Variants in TMTC2 observed in about 807,000 individuals in gnomAD.
TMTC2 encodes protein O-mannosyl-transferase TMTC2.
A neutral mutation model predicts 82.4 loss-of-function variants in TMTC2; 43 were observed. The ratio of observed to expected loss-of-function variants is 0.52; its 90% CI spans 0.41 to 0.67. TMTC2 has a LOEUF of 0.67. Ranked by LOEUF, TMTC2 falls within the 30% of genes least tolerant of loss-of-function variation. TMTC2 has a pLI of 0.00. For synonymous variants in TMTC2, 408 were observed against 381.9 expected (o/e 1.07, Z -0.80); for missense variants, 919 against 1,012.4 (o/e 0.91, Z 1.25).
At chr12:82,723,295 A>AGG (rs994278280) in intron 1 of TMTC2, among the ~76,000 whole-genome samples, 1 of 152,170 alleles carries the variant, frequency 6.6e-6, no homozygotes, top group African/African-American at 2.4e-5. Context: ...GGAAAGCTTG[A>AGG]GGTGTAACAG....
At chr12:82,828,817 T>A (rs1379677245) in intron 1 of TMTC2, among the ~76,000 whole-genome samples, 1 of 152,006 alleles carries the variant, frequency 6.6e-6, no homozygotes, top group Admixed American at 6.6e-5. Context: ...ATTAATGTAA[T>A]AAAAGGAAAT....
chr12:83,003,966 T>C (rs1655603), intron 8 of TMTC2, among the ~76,000 whole-genome samples: 133,804 of 152,138 alleles, frequency 0.88, 58,953 homozygotes, highest in South Asian at 0.96. Context: ...ATATGTTTTA[T>C]AAGTTGCTTA....
intron 11 of TMTC2, among the ~76,000 whole-genome samples, chr12:83,062,808 A>AGAGGAGGATT (rs1683813004): frequency 6.6e-6 from 1 of 151,830 alleles, no homozygotes; most frequent in African/African-American, 2.4e-5. Context: ...GGGAGCACAA[A>AGAGGAGGATT]GAGGAGGATT....
At chr12:82,803,355 G>A (rs1879098139) in intron 1 of TMTC2, among the ~76,000 whole-genome samples, 1 of 152,112 alleles carries the variant, frequency 6.6e-6, no homozygotes, top group Non-Finnish European at 1.5e-5. Context: ...AATATCAGGC[G>A]ATAATCAGGT....
At chr12:82,740,576 G>C (rs1875348215) in intron 1 of TMTC2, among the ~76,000 whole-genome samples, 1 of 152,174 alleles carries the variant, frequency 6.6e-6, no homozygotes. Flanking sequence ...ATTTTCTTAT[G>C]GGTGTGTCTC....
chr12:82,854,593 A>C (rs1318145712), intron 1 of TMTC2, among the ~76,000 whole-genome samples: 1 of 152,172 alleles, frequency 6.6e-6, no homozygotes, highest in Admixed American at 6.6e-5. Flanking sequence ...TAGGGAAATA[A>C]ATTTTTTTCT....
At chr12:82,784,418 A>G (rs889756160) in intron 1 of TMTC2, among the ~76,000 whole-genome samples, 4 of 152,116 alleles carry the variant, frequency 2.6e-5, no homozygotes, top group Non-Finnish European at 5.9e-5. Flanking sequence ...TATATCTCCT[A>G]CATGGAGTTG....
At chr12:83,087,786 G>C (rs1883711517) in intron 11 of TMTC2, among the ~76,000 whole-genome samples, 1 of 149,508 alleles carries the variant, frequency 6.7e-6, no homozygotes, top group African/African-American at 2.5e-5. Context: ...ACCAGACTTT[G>C]TTATTCCATT....
At chr12:83,065,932 A>G (rs1452505194) in intron 11 of TMTC2, among the ~76,000 whole-genome samples, 1 of 152,034 alleles carries the variant, frequency 6.6e-6, no homozygotes, top group Non-Finnish European at 1.5e-5. Context: ...GTAATTACCA[A>G]TGATAGATCT....
chr12:83,050,192 C>T (rs950884927), intron 9 of TMTC2, among the ~76,000 whole-genome samples: 1 of 152,146 alleles, frequency 6.6e-6, no homozygotes, highest in Non-Finnish European at 1.5e-5. Flanking sequence ...TCAGATAAGG[C>T]TTAGCATTAC....
intron 1 of TMTC2, among the ~76,000 whole-genome samples, chr12:82,794,345 A>G (rs1878615005): frequency 6.6e-6 from 1 of 151,992 alleles, no homozygotes; most frequent in Admixed American, 6.6e-5. Flanking sequence ...CCTCTTCCCC[A>G]TCTACCAACT....
chr12:82,876,133 G>GTGGTGGTGGTGGTGGTGGTATTAGTAA (rs1872550976), intron 2 of TMTC2, among the ~76,000 whole-genome samples: 3 of 139,042 alleles, frequency 2.2e-5, no homozygotes, highest in African/African-American at 8.1e-5. Context: ...ATTAGTAATG[G>GTGGTGGTGGTGGTGGTGGTATTAGTAA]TGGTGGTGGT....
Position 82,908,097 on chromosome 12 carries a change from TCAAAA to T in TMTC2, c.1483+11464_1483+11468del, listed in dbSNP as rs373622987. Among the ~76,000 whole-genome samples, 34 of 152,188 alleles carry T rather than the reference TCAAAA, an allele frequency of 2.2e-4. 1 individual carries two copies. The highest frequency in any genetic ancestry group is 7.5e-4 in the African/African-American group (31 of 41,534). ...GAGGGCAACAGAGCGAGATTCCCTC[TCAAAA>T]CAAAACAAAACAGAACAAAAACAAA... On this transcript the variant is annotated intron_variant, in intron 3 of 11. Coordinates refer to ENST00000321196, the MANE Select transcript of TMTC2 (RefSeq NM_152588.3).
chr12:82,828,429 G>A (rs1021906300), intron 1 of TMTC2, among the ~76,000 whole-genome samples: 2 of 151,956 alleles, frequency 1.3e-5, no homozygotes, highest in Admixed American at 1.3e-4. Flanking sequence ...TGAACTCCTG[G>A]CCTCAAGCGA....
chr12:82,861,235 G>C (rs1357087454), intron 2 of TMTC2, among the ~76,000 whole-genome samples: 1 of 152,164 alleles, frequency 6.6e-6, no homozygotes, highest in African/African-American at 2.4e-5. Flanking sequence ...AAATTATTAA[G>C]GCCAGAGGGG....
chr12:82,712,321 T>G (rs1005441150), intron 1 of TMTC2, among the ~76,000 whole-genome samples: 1 of 150,916 alleles, frequency 6.6e-6, no homozygotes, highest in African/African-American at 2.4e-5. Flanking sequence ...TCCCAGCTAC[T>G]CGGGAGGCTG....
At chr12:82,716,238 A>C (rs922176437) in intron 1 of TMTC2, among the ~76,000 whole-genome samples, 4 of 152,190 alleles carry the variant, frequency 2.6e-5, no homozygotes, top group Non-Finnish European at 4.4e-5. Flanking sequence ...CTAGACATCT[A>C]GTCTTATTTG....
In TMTC2 at chr12:82,728,246, T is replaced by C. The variant is rs141494846; in HGVS notation, c.83+40577T>C. Among the ~76,000 whole-genome samples the C allele has an allele frequency of 4.4e-3, 666 of 152,180 alleles. 5 individuals carry two copies. The highest frequency in any genetic ancestry group is 0.015 in the African/African-American group (607 of 41,520). Reference sequence around the variant, plus strand: ...TAGGTAATAGAGATGAGTCCTATTCTGTTTTTTATTTTTGGTACCCCAGAG... The same window carrying C: ...TAGGTAATAGAGATGAGTCCTATTCCGTTTTTTATTTTTGGTACCCCAGAG... On this transcript the variant is annotated intron_variant, in intron 1 of 11. Coordinates refer to ENST00000321196, the MANE Select transcript of TMTC2 (RefSeq NM_152588.3).
intron 2 of TMTC2, among the ~76,000 whole-genome samples, chr12:82,872,901 T>C (rs1003764301): frequency 6.6e-6 from 1 of 152,174 alleles, no homozygotes; most frequent in South Asian, 2.1e-4. Flanking sequence ...AACCCTGCAT[T>C]AAATAACACT....
Sources: allele counts gnomAD v4.1 joint callset (sites outside exome capture counted in the v4.1 genomes callset), GRCh38; gene constraint gnomAD v4.1.1; transcripts MANE v1.5; gene names NCBI Gene and HGNC (gene_info 2026-07-23, HGNC 2026-07-21).